Variants in CTNNA2 observed in about 807,000 individuals in gnomAD.
CTNNA2 encodes catenin alpha 2.
In CTNNA2, 42 loss-of-function variants were observed where a neutral mutation model predicts 101.0. The ratio of observed to expected loss-of-function variants is 0.42; its 90% CI spans 0.32 to 0.54. The LOEUF (loss-of-function observed/expected upper bound fraction) is 0.54. Ranked by LOEUF, CTNNA2 falls within the 20% of genes least tolerant of loss-of-function variation. The pLI is 0.14. For missense variants in CTNNA2, 871 were observed against 1,223.1 expected (o/e 0.71, Z 4.29); for synonymous variants, 450 against 456.4 (o/e 0.99, Z 0.18).
intron 7 of CTNNA2, among the ~76,000 whole-genome samples, chr2:80,262,389 C>T (rs1352774934): frequency 2.0e-5 from 3 of 152,178 alleles, no homozygotes; most frequent in Admixed American, 1.3e-4. Context: ...TCCAGGATTT[C>T]ATTATTGCAA....
chr2:79,801,619 G>A (rs966052622), intron 3 of CTNNA2, among the ~76,000 whole-genome samples: 1 of 152,116 alleles, frequency 6.6e-6, no homozygotes, highest in Non-Finnish European at 1.5e-5. Flanking sequence ...TAATTTCCTT[G>A]GTTCTTGAAT....
intron 7 of CTNNA2, among the ~76,000 whole-genome samples, chr2:80,217,618 T>C (rs565767306): frequency 6.6e-6 from 1 of 152,340 alleles, no homozygotes; most frequent in South Asian, 2.1e-4. Flanking sequence ...TTAATTGTTG[T>C]AGGCACTATA....
chr2:80,152,717 C>G (rs11677212), intron 7 of CTNNA2, among the ~76,000 whole-genome samples: 20,181 of 151,386 alleles, frequency 0.13, 3,323 homozygotes, highest in African/African-American at 0.39. Context: ...AAAAAAGATT[C>G]AGAAAAATTT....
chr2:79,941,811 G>T (rs1158497009), intron 7 of CTNNA2, among the ~76,000 whole-genome samples: 1 of 152,070 alleles, frequency 6.6e-6, no homozygotes, highest in African/African-American at 2.4e-5. Context: ...TAGAGGTGGG[G>T]TGTCACCATG....
intron 4 of CTNNA2, among the ~76,000 whole-genome samples, chr2:79,441,974 C>T (rs1200149099): frequency 6.6e-6 from 1 of 152,148 alleles, no homozygotes; most frequent in Non-Finnish European, 1.5e-5. Flanking sequence ...TTTCCAAGTT[C>T]AGCCCAAATT....
intron 2 of CTNNA2, among the ~76,000 whole-genome samples, chr2:79,679,385 C>T (rs946102591): frequency 5.3e-5 from 8 of 152,190 alleles, no homozygotes; most frequent in African/African-American, 1.9e-4. Flanking sequence ...CACCTTGTTC[C>T]CCACTCCACT....
At chr2:79,485,839 CA>C (rs1426273579) in intron 4 of CTNNA2, among the ~76,000 whole-genome samples, 1 of 152,162 alleles carries the variant, frequency 6.6e-6, no homozygotes, top group Non-Finnish European at 1.5e-5. Flanking sequence ...TAATGTCATG[CA>C]TAGTCCTCTT....
intron 7 of CTNNA2, among the ~76,000 whole-genome samples, chr2:80,243,609 A>G (rs1355167952): frequency 1.3e-5 from 2 of 152,210 alleles, no homozygotes; most frequent in Non-Finnish European, 2.9e-5. Flanking sequence ...ATGGTGATGG[A>G]TGCTGAGCAG....
intron 7 of CTNNA2, among the ~76,000 whole-genome samples, chr2:80,275,557 T>C (rs1363048584): frequency 6.6e-6 from 1 of 152,168 alleles, no homozygotes; most frequent in African/African-American, 2.4e-5. Flanking sequence ...CACTAAAATG[T>C]GTTATCAGTA....
chr2:79,948,925 G>T (rs1261049102), intron 7 of CTNNA2, among the ~76,000 whole-genome samples: 2 of 152,032 alleles, frequency 1.3e-5, no homozygotes, highest in Non-Finnish European at 2.9e-5. Flanking sequence ...CTGAGATTGT[G>T]CCACTGCACT....
At chr2:79,742,134 C>A (rs1196652114) in intron 2 of CTNNA2, among the ~76,000 whole-genome samples, 1 of 152,166 alleles carries the variant, frequency 6.6e-6, no homozygotes, top group Non-Finnish European at 1.5e-5. Context: ...TTTCTACTGG[C>A]TTGCTATTAT....
chr2:79,679,387 C>T (rs1051215158), intron 2 of CTNNA2, among the ~76,000 whole-genome samples: 1 of 152,132 alleles, frequency 6.6e-6, no homozygotes, highest in Non-Finnish European at 1.5e-5. Flanking sequence ...CCTTGTTCCC[C>T]ACTCCACTGC....
chr2:79,566,495 A>T (rs1436144961), intron 1 of CTNNA2, among the ~76,000 whole-genome samples: 1 of 152,158 alleles, frequency 6.6e-6, no homozygotes, highest in Non-Finnish European at 1.5e-5. Flanking sequence ...TTTTCAGGGA[A>T]GTCAAATCTA....
chr2:79,228,788 A>T (rs1313380404), intron 2 of CTNNA2, among the ~76,000 whole-genome samples: 1 of 151,760 alleles, frequency 6.6e-6, no homozygotes, highest in Non-Finnish European at 1.5e-5. Context: ...CATTTTTGTT[A>T]CAATTGCTTT....
At chr2:79,674,657 T>A (rs567114586) in intron 2 of CTNNA2, among the ~76,000 whole-genome samples, 1 of 152,134 alleles carries the variant, frequency 6.6e-6, no homozygotes, top group East Asian at 1.9e-4. Flanking sequence ...AGACCGCCTA[T>A]GTAAGCGAAC....
intron 7 of CTNNA2, among the ~76,000 whole-genome samples, chr2:80,339,686 G>A (rs976122653): frequency 1.3e-5 from 2 of 152,122 alleles, no homozygotes; most frequent in African/African-American, 2.4e-5. Flanking sequence ...GAAGAGTAAG[G>A]CAACCTGTCT....
chr2:80,150,035 C>G (rs1320846100), intron 7 of CTNNA2, among the ~76,000 whole-genome samples: 1 of 152,152 alleles, frequency 6.6e-6, no homozygotes, highest in African/African-American at 2.4e-5. Flanking sequence ...CATCCCCAGG[C>G]TCCAGAGGCC....
intron 7 of CTNNA2, among the ~76,000 whole-genome samples, chr2:80,277,553 G>GAAAAAAAAAAAAAAAAAA (rs10650278): frequency 6.0e-5 from 5 of 83,814 alleles, no homozygotes; most frequent in African/African-American, 2.3e-4. Flanking sequence ...AAGGATTTCT[G>GAAAAAAAAAAAAAAAAAA]AAAAAAAAAA....
chr2:79,804,489 T>A (rs1676411852), intron 3 of CTNNA2, among the ~76,000 whole-genome samples: 1 of 152,198 alleles, frequency 6.6e-6, no homozygotes, highest in Non-Finnish European at 1.5e-5. Flanking sequence ...GTAGTTGAAC[T>A]TTTCTTGCAG....
Sources: gnomAD v4.1 joint callset for allele counts (sites outside exome capture counted in the v4.1 genomes callset) on GRCh38, gnomAD v4.1.1 for gene constraint, MANE v1.5 for transcripts, NCBI Gene and HGNC (gene_info 2026-07-23, HGNC 2026-07-21) for gene names.